The following NEXMIF variants were observed in gnomAD, a reference collection of about 807,000 sequenced individuals.
NEXMIF encodes neurite extension and migration factor.
In NEXMIF, 8 loss-of-function variants were observed where a neutral mutation model predicts 62.1. That is an observed-to-expected ratio of 0.13 (90% CI 0.08 to 0.23). The LOEUF (loss-of-function observed/expected upper bound fraction) is 0.23. Ranked by LOEUF, NEXMIF falls within the 10% of genes least tolerant of loss-of-function variation. NEXMIF has a pLI of 1.00. For missense variants in NEXMIF, 976 were observed against 1,113.3 expected (o/e 0.88, Z 1.75); for synonymous variants, 404 against 416.6 (o/e 0.97, Z 0.37).
rs377143573 is a variant in NEXMIF, at chrX:74,919,691, C to T, written c.-48+5192G>A. 1.0e-4 allele frequency among the ~76,000 whole-genome samples: 11 copies of T among 110,302 alleles called. No individual in the cohort carries two copies. In the South Asian group the frequency reaches 1.2e-3, roughly 12 times the overall value. ...GCACAATGTGCAGGTTTGTTACATA[C>T]GTATACATGTGCCATGCTGGTGTGC... On this transcript the variant is annotated intron_variant, in intron 1 of 3. Transcript: ENST00000055682.
At chrX:74,754,122 C>T (rs1308875005) in intron 1 of NEXMIF, among the ~76,000 whole-genome samples, 2 of 108,048 alleles carry the variant, frequency 1.9e-5, no homozygotes, top group Non-Finnish European at 3.8e-5. Context: ...CCACCACACC[C>T]GGCTCATTTT....
At chrX:74,883,558 G>T (rs193135663) in intron 1 of NEXMIF, among the ~76,000 whole-genome samples, 1 of 111,553 alleles carries the variant, frequency 9.0e-6, no homozygotes, top group Non-Finnish European at 1.9e-5. Flanking sequence ...GATGGAAGAC[G>T]AAATGAATGA....
chrX:74,750,474 C>G (rs1025395989), intron 1 of NEXMIF, among the ~76,000 whole-genome samples: 2 of 112,014 alleles, frequency 1.8e-5, no homozygotes, highest in African/African-American at 6.5e-5. Flanking sequence ...AAGAAAGCAA[C>G]TGACAAGCAA....
chrX:74,831,952 G>C (rs2080439185), intron 1 of NEXMIF, among the ~76,000 whole-genome samples: 1 of 111,759 alleles, frequency 8.9e-6, no homozygotes, highest in Non-Finnish European at 1.9e-5. Flanking sequence ...TGTATCCCTG[G>C]GATAAATCCC....
intron 1 of NEXMIF, among the ~76,000 whole-genome samples, chrX:74,835,995 G>A (rs184811872): frequency 2.8e-4 from 32 of 112,729 alleles, no homozygotes; most frequent in African/African-American, 1.0e-3. Flanking sequence ...ACCATGACAT[G>A]CAGTCTTTCC....
intron 1 of NEXMIF, among the ~76,000 whole-genome samples, chrX:74,755,363 C>T (rs2080156352): frequency 9.0e-6 from 1 of 111,554 alleles, no homozygotes; most frequent in South Asian, 3.9e-4. Flanking sequence ...GAGAGGTAGG[C>T]ATGTACTTGG....
chrX:74,858,733 A>T (rs1019780502), intron 1 of NEXMIF, among the ~76,000 whole-genome samples: 7 of 111,004 alleles, frequency 6.3e-5, no homozygotes, highest in African/African-American at 2.3e-4. Context: ...TCAGACAGAG[A>T]GTTCAAAATA....
chrX:74,765,969 A>C (rs2080193739), intron 1 of NEXMIF, among the ~76,000 whole-genome samples: 1 of 104,783 alleles, frequency 9.5e-6, no homozygotes, highest in South Asian at 4.6e-4. Context: ...TGAACCTGGG[A>C]GACAGAGGTT....
intron 1 of NEXMIF, among the ~76,000 whole-genome samples, chrX:74,748,131 G>A (rs1273913688): frequency 8.9e-6 from 1 of 112,215 alleles, no homozygotes; most frequent in Non-Finnish European, 1.9e-5. Context: ...ATAAAGAAGA[G>A]GTAGAGTGGG....
intron 1 of NEXMIF, among the ~76,000 whole-genome samples, chrX:74,865,642 C>T (rs1433610357): frequency 8.9e-6 from 1 of 111,761 alleles, no homozygotes; most frequent in Non-Finnish European, 1.9e-5. Flanking sequence ...GGCCTGGAGG[C>T]CTAGAAGGGA....
At chrX:74,833,686 A>G (rs1602243841) in intron 1 of NEXMIF, among the ~76,000 whole-genome samples, 1 of 108,754 alleles carries the variant, frequency 9.2e-6, no homozygotes, top group East Asian at 2.9e-4. Flanking sequence ...AGTAAAGGTG[A>G]TTTTCTCTGG....
At chrX:74,845,844 T>C (rs1395222772) in intron 1 of NEXMIF, among the ~76,000 whole-genome samples, 2 of 110,210 alleles carry the variant, frequency 1.8e-5, no homozygotes, top group Non-Finnish European at 3.8e-5. Context: ...TTATAACCTC[T>C]CTTAAAACAT....
chrX:74,902,995 C>T (rs1254108767), intron 1 of NEXMIF, among the ~76,000 whole-genome samples: 1 of 111,129 alleles, frequency 9.0e-6, no homozygotes, highest in African/African-American at 3.3e-5. Flanking sequence ...TTAAGGGCAG[C>T]TTTAGCTCAG....
chrX:74,839,278 C>T (rs1263116435), intron 1 of NEXMIF, among the ~76,000 whole-genome samples: 1 of 111,782 alleles, frequency 8.9e-6, no homozygotes, highest in Non-Finnish European at 1.9e-5. Flanking sequence ...TATTCAATGC[C>T]TACTTAAAAA....
chrX:74,920,946 C>G (rs767605396), intron 1 of NEXMIF, among the ~76,000 whole-genome samples: 2 of 111,286 alleles, frequency 1.8e-5, no homozygotes, highest in Non-Finnish European at 3.8e-5. Context: ...GGGTGAGAAG[C>G]TGAAAATTTT....
At chrX:74,871,525 T>C (rs1414295541) in intron 1 of NEXMIF, among the ~76,000 whole-genome samples, 1 of 111,235 alleles carries the variant, frequency 9.0e-6, no homozygotes, top group Non-Finnish European at 1.9e-5. Flanking sequence ...CCAATCCTAG[T>C]AAGCCTGAGG....
chrX:74,749,121 A>C (rs747948081), intron 1 of NEXMIF, among the ~76,000 whole-genome samples: 1 of 111,447 alleles, frequency 9.0e-6, no homozygotes, highest in East Asian at 2.8e-4. Context: ...AATACACTGA[A>C]AGAGGGGCAG....
At chrX:74,819,366 G>A (rs1177152055) in intron 1 of NEXMIF, among the ~76,000 whole-genome samples, 1 of 111,376 alleles carries the variant, frequency 9.0e-6, no homozygotes, top group Non-Finnish European at 1.9e-5. Flanking sequence ...GCTTCTGCAC[G>A]GCAAAAGAAA....
chrX:74,866,281 G>T (rs2080578847), intron 1 of NEXMIF, among the ~76,000 whole-genome samples: 1 of 111,527 alleles, frequency 9.0e-6, no homozygotes, highest in Non-Finnish European at 1.9e-5. Flanking sequence ...AGCCTGATTG[G>T]ATTTTGGACT....
Sources: gnomAD v4.1 joint callset for allele counts (sites outside exome capture counted in the v4.1 genomes callset) on GRCh38, gnomAD v4.1.1 for gene constraint, MANE v1.5 for transcripts, NCBI Gene and HGNC (gene_info 2026-07-23, HGNC 2026-07-21) for gene names.